The following ANK3 variants were observed in gnomAD, a reference collection of about 807,000 sequenced individuals.
ANK3 encodes the protein ankyrin-3.
Under a neutral mutation model 370.9 loss-of-function variants are expected in ANK3, and 57 were observed. The ratio of observed to expected loss-of-function variants is 0.15; its 90% CI spans 0.12 to 0.19. The LOEUF is 0.19. Among genes scored for constraint, ANK3 ranks in the 10% least tolerant of loss-of-function variants. The probability of loss-of-function intolerance (pLI) is 1.00; values close to 1 mark genes in which losing one functional copy is unlikely to be tolerated. For missense variants in ANK3, 4,439 were observed against 5,302.1 expected (o/e 0.84, Z 5.06); for synonymous variants, 1,929 against 1,946.3 (o/e 0.99, Z 0.23).
intron 1 of ANK3, among the ~76,000 whole-genome samples, chr10:60,348,794 G>GTCTT (rs530624337): frequency 8.4e-4 from 128 of 152,230 alleles, no homozygotes; most frequent in African/African-American, 3.0e-3. Context: ...ATTTATAGTA[G>GTCTT]TCTCATCCAG....
chr10:60,488,347 A>C (rs1273478781), intron 2 of ANK3, among the ~76,000 whole-genome samples: 1 of 152,222 alleles, frequency 6.6e-6, no homozygotes, highest in African/African-American at 2.4e-5. Flanking sequence ...AAGGGTGGGC[A>C]GACGAAGAGC....
chr10:60,379,158 T>C (rs1313320971), intron 1 of ANK3, among the ~76,000 whole-genome samples: 1 of 151,982 alleles, frequency 6.6e-6, no homozygotes, highest in Non-Finnish European at 1.5e-5. Flanking sequence ...TGAGGTATCA[T>C]CTCACCCCAG....
At chr10:60,240,147 T>TGTATATAC (rs1565915317) in intron 7 of ANK3, among the ~76,000 whole-genome samples, 1 of 133,924 alleles carries the variant, frequency 7.5e-6, no homozygotes, top group Non-Finnish European at 1.5e-5. Context: ...TATATACACA[T>TGTATATAC]ATATATACAT....
intron 2 of ANK3, among the ~76,000 whole-genome samples, chr10:60,541,785 G>A (rs1567131726): frequency 6.6e-6 from 1 of 151,942 alleles, no homozygotes; most frequent in Non-Finnish European, 1.5e-5. Context: ...ATAGCATCCT[G>A]ACAGGCTTTT....
At chr10:60,239,755 A>T (rs1319059120) in intron 7 of ANK3, among the ~76,000 whole-genome samples, 1 of 152,112 alleles carries the variant, frequency 6.6e-6, no homozygotes, top group East Asian at 1.9e-4. Flanking sequence ...CAAAAACAAC[A>T]AATTGTGGGG....
intron 1 of ANK3, among the ~76,000 whole-genome samples, chr10:60,319,265 A>G (rs1212889047): frequency 6.6e-6 from 1 of 152,166 alleles, no homozygotes; most frequent in African/African-American, 2.4e-5. Context: ...AGTACCTGAG[A>G]TGTAAGGTAC....
At chr10:60,471,690 T>C (rs1430290918) in intron 2 of ANK3, among the ~76,000 whole-genome samples, 2 of 152,166 alleles carry the variant, frequency 1.3e-5, no homozygotes, top group Admixed American at 1.3e-4. Flanking sequence ...AATAACATTT[T>C]AAAACCCCCA....
intron 26 of ANK3, among the ~76,000 whole-genome samples, chr10:60,111,443 A>G (rs2092701128): frequency 6.6e-6 from 1 of 152,194 alleles, no homozygotes; most frequent in Non-Finnish European, 1.5e-5. Flanking sequence ...AAATATAGTG[A>G]TTTGTTTTAC....
intron 7 of ANK3, among the ~76,000 whole-genome samples, chr10:60,256,120 T>C (rs1195772540): frequency 2.6e-5 from 4 of 152,226 alleles, no homozygotes; most frequent in African/African-American, 9.6e-5. Flanking sequence ...ACTCCTTTCA[T>C]CAATTCCTGA....
chr10:60,191,688 A>G (rs771796136), intron 16 of ANK3, among the ~76,000 whole-genome samples: 8 of 152,200 alleles, frequency 5.3e-5, no homozygotes, highest in Non-Finnish European at 1.2e-4. Context: ...AAGAACTAAA[A>G]ATAGAACTAC....
At chr10:60,280,478 GAAC>G (rs903115574) in intron 1 of ANK3, among the ~76,000 whole-genome samples, 31 of 152,136 alleles carry the variant, frequency 2.0e-4, no homozygotes, top group African/African-American at 7.0e-4. Flanking sequence ...TACAATTTTA[GAAC>G]AACAAGACAT....
intron 28 of ANK3, among the ~76,000 whole-genome samples, chr10:60,093,435 T>C (rs1589881319): frequency 6.6e-6 from 1 of 152,220 alleles, no homozygotes; most frequent in South Asian, 2.1e-4. Flanking sequence ...ATTCTGCTTA[T>C]AACAAGCTGT....
chr10:60,077,383 T>G (rs544141611), intron 36 of ANK3, among the ~76,000 whole-genome samples: 82 of 152,314 alleles, frequency 5.4e-4, no homozygotes, highest in Non-Finnish European at 8.7e-4. Context: ...TGAAAACATT[T>G]TATCATGCAC....
At chr10:60,432,464 G>A (rs1401448878) in intron 2 of ANK3, among the ~76,000 whole-genome samples, 1 of 152,120 alleles carries the variant, frequency 6.6e-6, no homozygotes, top group African/African-American at 2.4e-5. Context: ...CCTTGATTCA[G>A]GGTGACACTG....
At chr10:60,351,515 T>C (rs1382976212) in intron 1 of ANK3, among the ~76,000 whole-genome samples, 2 of 152,210 alleles carry the variant, frequency 1.3e-5, no homozygotes, top group South Asian at 2.1e-4. Flanking sequence ...GGCAGGAGCA[T>C]TGGGGAAGTT....
At chr10:60,585,766 G>A (rs911037456) in intron 2 of ANK3, among the ~76,000 whole-genome samples, 10 of 152,170 alleles carry the variant, frequency 6.6e-5, no homozygotes, top group African/African-American at 9.7e-5. Flanking sequence ...GCTCACGTAC[G>A]TAATCCCAGC....
At chr10:60,232,046 A>T (rs74939049) in intron 8 of ANK3, among the ~76,000 whole-genome samples, 2,320 of 152,154 alleles carry the variant, frequency 0.015, 44 homozygotes, top group African/African-American at 0.05. Context: ...TCATCAGAGG[A>T]ATTTGTATGT....
intron 2 of ANK3, among the ~76,000 whole-genome samples, chr10:60,478,577 T>C (rs1463891243): frequency 1.3e-5 from 2 of 152,012 alleles, no homozygotes; most frequent in African/African-American, 4.8e-5. Context: ...AACAAAGAAA[T>C]ACTGTACAAG....
At chr10:60,423,343 C>T (rs188838635) in intron 2 of ANK3, among the ~76,000 whole-genome samples, 2 of 151,560 alleles carry the variant, frequency 1.3e-5, no homozygotes, top group African/African-American at 2.4e-5. Flanking sequence ...TCCATAGCTG[C>T]CTCTGAGTCA....
Sources: allele counts gnomAD v4.1 joint callset (sites outside exome capture counted in the v4.1 genomes callset), GRCh38; gene constraint gnomAD v4.1.1; transcripts MANE v1.5; gene names NCBI Gene and HGNC (gene_info 2026-07-23, HGNC 2026-07-21).